MTSS1: variants seen among roughly 807,000 people sequenced by gnomAD.
MTSS1 encodes MTSS I-BAR domain containing 1.
In MTSS1, 18 loss-of-function variants were observed where a neutral mutation model predicts 79.0. The observed-to-expected ratio is 0.23, with a 90% CI of 0.16 to 0.34. MTSS1 has a LOEUF of 0.34. Ranked by LOEUF, MTSS1 falls within the 10% of genes least tolerant of loss-of-function variation. MTSS1 has a pLI of 1.00. For missense variants in MTSS1, 815 were observed against 986.2 expected, an observed-to-expected ratio of 0.83 and a Z score of 2.33; for synonymous variants, 341 against 368.6, an observed-to-expected ratio of 0.93 and a Z score of 0.86.
At chr8:124,595,066 C>T (rs758290156) in intron 3 of MTSS1, among the ~76,000 whole-genome samples, 4 of 152,158 alleles carry the variant, frequency 2.6e-5, no homozygotes, top group Admixed American at 6.5e-5. Flanking sequence ...AATAAAGGAA[C>T]GGACATTTAC....
At chr8:124,685,367 A>T (rs1023313864) in intron 3 of MTSS1, among the ~76,000 whole-genome samples, 68 of 152,242 alleles carry the variant, frequency 4.5e-4, no homozygotes, top group African/African-American at 1.6e-3. Flanking sequence ...GCAGTGACCC[A>T]TGCCTGTAAT....
chr8:124,563,210 G>A, intron 9 of MTSS1: 1 of 564,176 alleles, frequency 1.8e-6, no homozygotes. Context: ...TTTTCCAGGT[G>A]ACCCAGGGGG....
intron 3 of MTSS1, among the ~76,000 whole-genome samples, chr8:124,633,771 CA>C (rs113893066): frequency 0.23 from 30,816 of 136,604 alleles, 3,943 homozygotes; most frequent in African/African-American, 0.39. Flanking sequence ...GATCCTGTCT[CA>C]AAAAAAAAAA....
intron 3 of MTSS1, among the ~76,000 whole-genome samples, chr8:124,670,703 T>C (rs540586033): frequency 1.3e-5 from 2 of 152,226 alleles, no homozygotes; most frequent in South Asian, 2.1e-4. Context: ...ACTGGGGCAG[T>C]GAAGTCAGAG....
At chr8:124,624,832 G>A (rs1814335812) in intron 3 of MTSS1, among the ~76,000 whole-genome samples, 1 of 152,180 alleles carries the variant, frequency 6.6e-6, no homozygotes, top group Admixed American at 6.5e-5. Context: ...AGGAATGAAT[G>A]AGGTCTGCAC....
At chr8:124,595,137 G>T (rs757876137) in intron 3 of MTSS1, among the ~76,000 whole-genome samples, 8 of 152,138 alleles carry the variant, frequency 5.3e-5, no homozygotes, top group Non-Finnish European at 1.2e-4. Context: ...GACTGGGTTT[G>T]TATCTTGTTT....
chr8:124,568,841 C>T (rs1827129681), intron 6 of MTSS1: 3 of 1,436,716 alleles, frequency 2.1e-6, no homozygotes, highest in South Asian at 1.5e-5. Context: ...GCCAACACAA[C>T]CCTGGAACAC....
At chr8:124,708,834 G>C (rs1050581823) in intron 1 of MTSS1, among the ~76,000 whole-genome samples, 9 of 151,618 alleles carry the variant, frequency 5.9e-5, no homozygotes, top group African/African-American at 2.2e-4. Flanking sequence ...GAGAGAGTCA[G>C]GCCCACCTGT....
At chr8:124,621,882 C>T (rs1365858964) in intron 3 of MTSS1, among the ~76,000 whole-genome samples, 3 of 152,220 alleles carry the variant, frequency 2.0e-5, no homozygotes, top group East Asian at 1.9e-4. Context: ...CCTTACTAAC[C>T]CTTAGAGAGT....
chr8:124,675,494 T>C (rs960814079), intron 3 of MTSS1, among the ~76,000 whole-genome samples: 2 of 152,270 alleles, frequency 1.3e-5, no homozygotes, highest in African/African-American at 4.8e-5. Flanking sequence ...GTGTGTTTTA[T>C]ATTTTGAAGT....
intron 6 of MTSS1, among the ~76,000 whole-genome samples, chr8:124,574,650 A>G (rs1309974555): frequency 6.6e-6 from 1 of 152,172 alleles, no homozygotes; most frequent in African/African-American, 2.4e-5. Flanking sequence ...CACAAGCTGC[A>G]CTCACATGGT....
intron 3 of MTSS1, among the ~76,000 whole-genome samples, chr8:124,622,213 A>G (rs1181336626): frequency 6.6e-6 from 1 of 152,026 alleles, no homozygotes. Context: ...AAAGACAAAC[A>G]CTGCATGACC....
At chr8:124,634,250 C>G (rs1816577006) in intron 3 of MTSS1, among the ~76,000 whole-genome samples, 2 of 151,672 alleles carry the variant, frequency 1.3e-5, no homozygotes, top group South Asian at 4.1e-4. Flanking sequence ...GCTGGGACTA[C>G]AGGCGCACAC....
At position 124,551,675 on chromosome 8, in the gene MTSS1, C is replaced by G. The variant is rs998638706; in HGVS notation, c.*1317G>C. 1.3e-5 allele frequency: 2 copies of G among 152,280 alleles called. No homozygotes were observed. Among genetic ancestry groups the G allele is most frequent in the African/African-American group, 4.8e-5 (2 of 41,456 alleles). 9.4% of individuals were successfully genotyped at this position (152,280 alleles called of 1,614,324 possible). Reference sequence around the variant, plus strand: ...GTGATCCCTTTAAATCTACAAATCTCTGTTGGCTTTAGGGGATGGGCAGTA... The same window carrying G: ...GTGATCCCTTTAAATCTACAAATCTGTGTTGGCTTTAGGGGATGGGCAGTA... On this transcript the variant is annotated 3_prime_UTR_variant, in exon 14 of 14. Coordinates refer to ENST00000518547, the MANE Select transcript of MTSS1 (RefSeq NM_014751.6).
rs376083580 is a variant in MTSS1 at position 124,553,394 on chromosome 8, G to C, written c.1866C>G (p.Thr622=). The change falls in exon 14 of 14, where the codon ACC becomes ACG. Residue 622 remains threonine (T), a synonymous_variant. Coordinates refer to ENST00000518547, the MANE Select transcript of MTSS1 (RefSeq NM_014751.6). This position sits in a 1 kb window ranked among gnomAD's most constrained non-coding sequence, Gnocchi z 6.0. ...KTPVIPVKTP[T]VPDLPGVLPA... ...GCAACACCCCTGGGAGGTCTGGGAC[G>C]GTTGGGGTCTTGACAGGGATCACGG... The C allele has an allele frequency of 3.7e-6, 6 of 1,608,612 alleles. No individual in the cohort carries two copies. The Admixed American group carries it at 1.0e-4, about 27-fold the overall frequency.
intron 6 of MTSS1, 25 bp from the exon 7 acceptor site, chr8:124,568,561 C>T (rs754006160): frequency 1.4e-5 from 23 of 1,614,022 alleles, no homozygotes; most frequent in Admixed American, 8.3e-5. Context: ...GACCCAAGCA[C>T]GGCTTGCTGA....
At chr8:124,671,228 T>A (rs1206027536) in intron 3 of MTSS1, among the ~76,000 whole-genome samples, 2 of 151,914 alleles carry the variant, frequency 1.3e-5, no homozygotes, top group African/African-American at 4.8e-5. Flanking sequence ...CACTGAGCCC[T>A]CCTCCAGAAT....
At chr8:124,572,738 C>CTTTTCT (rs200573275) in intron 6 of MTSS1, among the ~76,000 whole-genome samples, 23 of 132,494 alleles carry the variant, frequency 1.7e-4, no homozygotes, top group East Asian at 7.0e-4. Flanking sequence ...TCTTTCTTTT[C>CTTTTCT]TTTTCTTTTT....
rs1362312441 is a variant in MTSS1, at chr8:124,551,111, G to C, written c.*1881C>G. The C allele has an allele frequency of 6.6e-6, 1 of 152,564 alleles. No individual in the cohort carries two copies. The highest frequency in any genetic ancestry group is 1.5e-5 in the Non-Finnish European group (1 of 68,044). 9.5% of individuals were successfully genotyped at this position (152,564 alleles called of 1,614,324 possible). ...ACTAACGTTTAAAAACTAAACAAGT[G>C]AAAAGCTGTACCAAGGTACAGTTAC... is the stretch of plus-strand genomic sequence containing the variant. On this transcript the variant is annotated 3_prime_UTR_variant, in exon 14 of 14. Coordinates refer to ENST00000518547, the MANE Select transcript of MTSS1 (RefSeq NM_014751.6).
Sources: allele counts gnomAD v4.1 joint callset (sites outside exome capture counted in the v4.1 genomes callset), GRCh38; gene constraint gnomAD v4.1.1; non-coding constraint Gnocchi (gnomAD v3.1); transcripts MANE v1.5; gene names NCBI Gene and HGNC (gene_info 2026-07-23, HGNC 2026-07-21).